The following GRIK5 variants were observed in gnomAD, a reference collection of about 807,000 sequenced individuals.
The protein encoded by GRIK5 is glutamate receptor ionotropic, kainate 5.
A neutral mutation model predicts 97.4 loss-of-function variants in GRIK5; 43 were observed. The observed-to-expected ratio is 0.44, with a 90% CI of 0.35 to 0.57. The LOEUF (loss-of-function observed/expected upper bound fraction) is 0.57. GRIK5 is among the 20% of genes least tolerant of loss of function. The pLI, the probability that GRIK5 is intolerant of heterozygous loss-of-function variation, is 0.01. For synonymous variants in GRIK5, 580 were observed against 583.5 expected (o/e 0.99, Z 0.09); for missense variants, 1,015 against 1,382.0 (o/e 0.73, Z 4.21).
Position 42,059,821 on chromosome 19 carries a change from C to A in GRIK5, c.509-294G>T, listed in dbSNP as rs994754388. On this transcript the variant is annotated intron_variant, in intron 5 of 19. Coordinates refer to ENST00000593562, the MANE Select transcript of GRIK5 (RefSeq NM_002088.5). Reference sequence around the variant, plus strand: ...CTCATGCTTAATCTCCTTGCTCAACCACCACGGCTTCCCCATGTTGGTGAA... The same window carrying A: ...CTCATGCTTAATCTCCTTGCTCAACAACCACGGCTTCCCCATGTTGGTGAA... Among the ~76,000 whole-genome samples the A allele has an allele frequency of 4.6e-5, 7 of 152,234 alleles. No individual in the cohort carries two copies. The East Asian group carries it at 1.2e-3, about 25-fold the overall frequency.
chr19:42,059,696 G>A (rs1248052472), intron 5 of GRIK5, among the ~76,000 whole-genome samples, 169 bp from the exon 6 acceptor site: 1 of 152,006 alleles, frequency 6.6e-6, no homozygotes, highest in Admixed American at 6.6e-5. Context: ...CAAAGCCTGG[G>A]CCCTCCCCAA....
chr19:42,054,398 C>A lies in GRIK5; in HGVS notation c.978G>T (p.Glu326Asp). Residue 326 changes from glutamate (E) to aspartate (D), a missense_variant, in exon 9 of 20, where the codon GAG (glutamate) becomes GAT (aspartate). Glu to Asp is a conservative substitution (Grantham distance 45). Coordinates refer to ENST00000593562, the MANE Select transcript of GRIK5 (RefSeq NM_002088.5). ...SAVRELNRSQ[E>D]IGVKPLACTS... ...TACAGGCCAGAGGCTTCACACCGAT[C>A]TCCTGGCTGCGGTTCAGCTCTCGGA... The A allele has an allele frequency of 1.2e-6, 2 of 1,613,804 alleles. No individual in the cohort carries two copies. The highest frequency in any genetic ancestry group is 1.7e-6 in the Non-Finnish European group (2 of 1,180,002).
chr19:42,054,092 A>G (rs1417236737), intron 9 of GRIK5, among the ~76,000 whole-genome samples, 163 bp from the exon 10 acceptor site: 1 of 152,110 alleles, frequency 6.6e-6, no homozygotes, highest in Non-Finnish European at 1.5e-5. Context: ...GCAAGATAAC[A>G]TGCAAGGAAG....
chr19:42,056,521 C>T, intron 8 of GRIK5, 141 bp downstream of exon 8: 1 of 668,360 alleles, frequency 1.5e-6, no homozygotes, highest in Non-Finnish European at 2.6e-6. Flanking sequence ...GGACATGGGT[C>T]CAATGCATCA....
At chr19:42,067,680 G>A (rs1276880364) in intron 1 of GRIK5, among the ~76,000 whole-genome samples, 1 of 152,142 alleles carries the variant, frequency 6.6e-6, no homozygotes, top group Admixed American at 6.6e-5. Flanking sequence ...GCAGCCAAAG[G>A]TGGGAGCAGA....
At chr19:42,051,349 A>G (rs2076114539) in intron 11 of GRIK5, among the ~76,000 whole-genome samples, 1 of 151,976 alleles carries the variant, frequency 6.6e-6, no homozygotes, top group Admixed American at 6.6e-5. Context: ...GCCAGCCTGC[A>G]CCCCATCACC....
At position 42,003,810 on chromosome 19, in the gene GRIK5, G is replaced by A. The variant is rs2075454651; in HGVS notation, c.2264-127C>T. The A allele has an allele frequency of 2.0e-6, 2 of 999,174 alleles. No homozygotes were observed. The highest frequency in any genetic ancestry group is 2.8e-6 in the Non-Finnish European group (2 of 702,136). 61.9% of individuals were successfully genotyped at this position (999,174 alleles called of 1,614,324 possible). ...CCACGTGCCCAGGGTCTTCCCTGCA[G>A]CCTCTCCTCACCCCCAGCCCAGTCT... On this transcript the variant is annotated intron_variant, in intron 17 of 19. Coordinates refer to ENST00000593562, the MANE Select transcript of GRIK5 (RefSeq NM_002088.5). This position sits in a 1 kb window ranked among gnomAD's most constrained non-coding sequence, Gnocchi z 4.2.
In GRIK5 at chr19:42,065,857, A is replaced by T; in HGVS notation, c.-50-37T>A. 1.9e-6 allele frequency: 2 copies of T among 1,074,160 alleles called. No homozygotes were observed. The highest frequency in any genetic ancestry group is 4.0e-4 in the Middle Eastern group (2 of 5,048). 66.5% of individuals were successfully genotyped at this position (1,074,160 alleles called of 1,614,324 possible). A position where few individuals can be genotyped will look rare whatever the true frequency, so the allele number is the denominator to read the frequency against. ...CCCCCCAGACCAAGGGGAGATTACTATGTGGTGGGATGGAACCCCTTGGAG... is the reference window on the plus strand; with the variant it reads ...CCCCCCAGACCAAGGGGAGATTACTTTGTGGTGGGATGGAACCCCTTGGAG... On this transcript the variant is annotated intron_variant, in intron 1 of 19. Transcript: ENST00000593562. The surrounding 1 kb of genome is among the most constrained non-coding windows in gnomAD (Gnocchi z 5.8).
At chr19:42,018,700 G>A (rs748448896) in intron 15 of GRIK5, among the ~76,000 whole-genome samples, 50 of 81,544 alleles carry the variant, frequency 6.1e-4, no homozygotes, top group South Asian at 2.9e-3. Flanking sequence ...GAAAAGAAAC[G>A]TTAACTCCTG....
chr19:42,008,836 G>T (rs2075525004), intron 15 of GRIK5, among the ~76,000 whole-genome samples: 1 of 152,104 alleles, frequency 6.6e-6, no homozygotes, highest in Non-Finnish European at 1.5e-5. Flanking sequence ...GATATAAAAA[G>T]AAGTGAACAG....
At chr19:42,025,424 C>T (rs1242442770) in intron 12 of GRIK5, among the ~76,000 whole-genome samples, 1 of 152,072 alleles carries the variant, frequency 6.6e-6, no homozygotes, top group Non-Finnish European at 1.5e-5. Flanking sequence ...GTGACTCCTC[C>T]CTGGATCCCA....
rs149304897 is a variant in GRIK5 at position 42,042,973 on chromosome 19, C to A, written c.1270-218G>T. Reference sequence around the variant, plus strand: ...GGTACTGCCAGTTCCTAGCAGATTGCAGGGAGCCATTTTAATCTTCAGCAG... The same window carrying A: ...GGTACTGCCAGTTCCTAGCAGATTGAAGGGAGCCATTTTAATCTTCAGCAG... On this transcript the variant is annotated intron_variant, in intron 11 of 19. Transcript: ENST00000593562. This position sits in a 1 kb window ranked among gnomAD's most constrained non-coding sequence, Gnocchi z 6.9. 3.5e-6 allele frequency: 2 copies of A among 576,550 alleles called. No individual in the cohort carries two copies. The highest frequency in any genetic ancestry group is 3.7e-5 in the African/African-American group (2 of 53,592). 35.7% of individuals were successfully genotyped at this position (576,550 alleles called of 1,614,324 possible). A position where few individuals can be genotyped will look rare whatever the true frequency, so the allele number is the denominator to read the frequency against.
chr19:42,031,945 C>T (rs1160420657), intron 12 of GRIK5, among the ~76,000 whole-genome samples: 3 of 151,954 alleles, frequency 2.0e-5, no homozygotes, highest in African/African-American at 7.2e-5. Context: ...CCAGCCTGGG[C>T]AACAAAATAC....
intron 11 of GRIK5, among the ~76,000 whole-genome samples, chr19:42,051,843 C>T (rs2076120984): frequency 6.6e-6 from 1 of 152,196 alleles, no homozygotes; most frequent in Admixed American, 6.5e-5. Context: ...GCCCCTCCTG[C>T]CGCTCCTGCT....
rs2075409071 is a variant in GRIK5, at chr19:41,999,670, C to T, written c.2515-371G>A. Among the ~76,000 whole-genome samples, 1 of 152,206 alleles carries T rather than the reference C, an allele frequency of 6.6e-6. No homozygotes were observed. Among genetic ancestry groups the T allele is most frequent in the South Asian group, 2.1e-4 (1 of 4,834 alleles). ...CGTTCATTATTGCAAGGCATATTTA[C>T]CTGTGGCCTGCTGTGTGCCCGGCAC... On this transcript the variant is annotated intron_variant, in intron 19 of 19. Transcript: ENST00000593562. This position sits in a 1 kb window ranked among gnomAD's most constrained non-coding sequence, Gnocchi z 5.0.
chr19:41,999,226 C>G lies in GRIK5; in HGVS notation c.2588G>C (p.Arg863Pro), dbSNP rs541637785. 5 of 1,521,406 alleles carry G rather than the reference C, an allele frequency of 3.3e-6. No homozygotes were observed. The East Asian group carries it at 1.3e-4, about 39-fold the overall frequency. The allele number at this position is 1,521,406 out of a possible 1,614,324, so 94.2% of individuals were successfully genotyped here. A position where few individuals can be genotyped will look rare whatever the true frequency, so the allele number is the denominator to read the frequency against. Residue 863 changes from arginine (R) to proline (P), a missense_variant, in exon 20 of 20, where the codon CGG becomes CCG. Around this residue, in one of 5 missense-constraint regions of GRIK5, gnomAD observed 229 missense variants for 341.0 expected, o/e 0.67. Coordinates refer to ENST00000593562, the MANE Select transcript of GRIK5 (RefSeq NM_002088.5). This position sits in a 1 kb window ranked among gnomAD's most constrained non-coding sequence, Gnocchi z 5.0. The stretch of plus-strand genomic sequence containing the variant: ...GCTCGGGCCGCCCGGGCGTCGGCGC[C>G]GGCGGGAACGCGACGTCTTGCGGCA... Reference protein sequence around the residue: ...VSCRKTSRSRRRRRPGGPSRA... With the variant: ...VSCRKTSRSRPRRRPGGPSRA...
chr19:42,021,668 C>T lies in GRIK5; in HGVS notation c.1698-194G>A, dbSNP rs1599769788. On this transcript the variant is annotated intron_variant, in intron 14 of 19. Transcript: ENST00000593562. This position sits in a 1 kb window ranked among gnomAD's most constrained non-coding sequence, Gnocchi z 4.2. ...GAGACAGAAGAGGCAGAGAGAGACA[C>T]AGAGATACTCAGAGAGAAATAGAGA... 6.6e-6 allele frequency among the ~76,000 whole-genome samples: 1 copy of T among 151,918 alleles called. No homozygotes were observed. The highest frequency in any genetic ancestry group is 2.4e-5 in the African/African-American group (1 of 41,322).
chr19:42,066,869 G>T (rs2076340547), intron 1 of GRIK5, among the ~76,000 whole-genome samples: 2 of 152,116 alleles, frequency 1.3e-5, no homozygotes, highest in African/African-American at 4.8e-5. Context: ...AGCTGGAAGG[G>T]AGGAGTGAGT....
rs1194929809 is a variant in GRIK5, at chr19:42,002,244, T to C, written c.2514+1088A>G. 1 of 717,406 alleles carries C rather than the reference T, an allele frequency of 1.4e-6. No individual in the cohort carries two copies. The highest frequency in any genetic ancestry group is 1.7e-5 in the African/African-American group (1 of 57,212). The allele number at this position is 717,406 out of a possible 1,614,324, so 44.4% of individuals were successfully genotyped here. On this transcript the variant is annotated intron_variant, in intron 19 of 19. Coordinates refer to ENST00000593562, the MANE Select transcript of GRIK5 (RefSeq NM_002088.5). The surrounding 1 kb of genome is among the most constrained non-coding windows in gnomAD (Gnocchi z 5.2). The stretch of plus-strand genomic sequence containing the variant: ...TGGAAGCATCAGGGAGACCCCCCAC[T>C]GCTGCCAAGGCTGTAAAGAGAAGGG...
Sources: allele counts gnomAD v4.1 joint callset (sites outside exome capture counted in the v4.1 genomes callset), GRCh38; gene constraint gnomAD v4.1.1; regional missense constraint gnomAD v4.1.1; non-coding constraint Gnocchi (gnomAD v3.1); transcripts MANE v1.5; gene names NCBI Gene and HGNC (gene_info 2026-07-23, HGNC 2026-07-21).